The following RSU1 variants were observed in gnomAD, a reference collection of about 807,000 sequenced individuals.
RSU1 encodes the protein rsu-1.
RSU1 carries 26 observed loss-of-function variants against 31.1 expected under a neutral mutation model. That is an observed-to-expected ratio of 0.84 (90% CI 0.61 to 1.16). The LOEUF (loss-of-function observed/expected upper bound fraction) is 1.16. Ranked by LOEUF, RSU1 falls within the 50% of genes most tolerant of loss-of-function variation. The pLI, the probability that RSU1 is intolerant of heterozygous loss-of-function variation, is 0.00. For synonymous variants in RSU1, 164 were observed against 136.3 expected (o/e 1.20, Z -1.41); for missense variants, 320 against 339.1 (o/e 0.94, Z 0.44).
intron 3 of RSU1, among the ~76,000 whole-genome samples, chr10:16,769,621 T>A (rs543894799): frequency 8.5e-5 from 13 of 152,234 alleles, no homozygotes; most frequent in Admixed American, 2.6e-4. Flanking sequence ...AGCCTGAGAC[T>A]CTGAATTTCC....
chr10:16,696,224 G>A (rs1003184182), intron 7 of RSU1, among the ~76,000 whole-genome samples: 1 of 152,138 alleles, frequency 6.6e-6, no homozygotes, highest in African/African-American at 2.4e-5. Flanking sequence ...TTTTTGCTAA[G>A]ACACAACCGA....
At chr10:16,673,336 G>C (rs374106776) in intron 8 of RSU1, among the ~76,000 whole-genome samples, 2 of 152,310 alleles carry the variant, frequency 1.3e-5, no homozygotes, top group African/African-American at 2.4e-5. Flanking sequence ...GCTCCAACAT[G>C]AACAGAGCAG....
At chr10:16,597,005 G>A (rs1287397544) in intron 8 of RSU1, among the ~76,000 whole-genome samples, 1 of 152,202 alleles carries the variant, frequency 6.6e-6, no homozygotes, top group Non-Finnish European at 1.5e-5. Context: ...CGTGAGCCAC[G>A]CACCTGGCCT....
chr10:16,719,918 G>C (rs181699042), intron 7 of RSU1, among the ~76,000 whole-genome samples: 1 of 152,302 alleles, frequency 6.6e-6, no homozygotes, highest in Non-Finnish European at 1.5e-5. Context: ...GAGGAGACTA[G>C]CCCACATGCT....
intron 7 of RSU1, among the ~76,000 whole-genome samples, chr10:16,698,521 C>G (rs1835726087): frequency 6.6e-6 from 1 of 152,140 alleles, no homozygotes; most frequent in Admixed American, 6.5e-5. Flanking sequence ...TCTATGCTCC[C>G]TGACTGCCAC....
chr10:16,687,913 A>C (rs1234902603), intron 8 of RSU1, among the ~76,000 whole-genome samples: 2 of 151,976 alleles, frequency 1.3e-5, no homozygotes, highest in Admixed American at 1.3e-4. Context: ...GTACAGACGA[A>C]GTCTCACTAT....
chr10:16,656,609 G>T (rs1172506952), intron 8 of RSU1, among the ~76,000 whole-genome samples: 2 of 152,144 alleles, frequency 1.3e-5, no homozygotes, highest in African/African-American at 2.4e-5. Context: ...AGTTAGCTTC[G>T]CTATTCCTTT....
At chr10:16,787,687 C>T (rs117783645) in intron 2 of RSU1, among the ~76,000 whole-genome samples, 4,002 of 152,326 alleles carry the variant, frequency 0.026, 60 homozygotes, top group Non-Finnish European at 0.037. Context: ...CCCCTGCACA[C>T]GCTCTCTTAC....
rs533801654 is a variant in RSU1 at position 16,739,858 on chromosome 10, G to A, written c.598+12681C>T. ...ACTCCCGAACTGAGGTGATCCACCCGCCTCAGCCTCTCAAAGTGCTGGGAT... is the reference window on the plus strand; with the variant it reads ...ACTCCCGAACTGAGGTGATCCACCCACCTCAGCCTCTCAAAGTGCTGGGAT... On this transcript the variant is annotated intron_variant, in intron 7 of 8. Coordinates refer to ENST00000345264, the MANE Select transcript of RSU1 (RefSeq NM_012425.4). Among the ~76,000 whole-genome samples, 333 of 152,136 alleles carry A rather than the reference G, an allele frequency of 2.2e-3. 3 individuals carry two copies. Among genetic ancestry groups the A allele is most frequent in the Middle Eastern group, 3.4e-3 (1 of 294 alleles).
intron 3 of RSU1, among the ~76,000 whole-genome samples, chr10:16,775,555 A>G (rs1837510183): frequency 6.6e-6 from 1 of 152,206 alleles, no homozygotes; most frequent in Admixed American, 6.5e-5. Context: ...AGCTGAGGAC[A>G]GATTAGATGC....
intron 8 of RSU1, among the ~76,000 whole-genome samples, chr10:16,689,972 A>C (rs1835511506): frequency 6.6e-6 from 1 of 152,186 alleles, no homozygotes; most frequent in Non-Finnish European, 1.5e-5. Flanking sequence ...CCAGCCTAAC[A>C]TTTGTCAAAC....
chr10:16,643,736 C>A (rs540908623), intron 8 of RSU1, among the ~76,000 whole-genome samples: 1 of 152,174 alleles, frequency 6.6e-6, no homozygotes, highest in Non-Finnish European at 1.5e-5. Context: ...AATGCGCATA[C>A]TAAGAGCACC....
At chr10:16,814,826 G>A (rs1838492555) in intron 2 of RSU1, among the ~76,000 whole-genome samples, 1 of 98,592 alleles carries the variant, frequency 1.0e-5, no homozygotes, top group Non-Finnish European at 1.8e-5. Flanking sequence ...TATATTTCAG[G>A]AAGCAAGTGG....
At chr10:16,681,925 T>C (rs1835333935) in intron 8 of RSU1, among the ~76,000 whole-genome samples, 1 of 152,222 alleles carries the variant, frequency 6.6e-6, no homozygotes, top group Admixed American at 6.5e-5. Context: ...CCCTTCTTTT[T>C]TCCTTAGTGT....
At chr10:16,814,599 C>A (rs1838487816) in intron 2 of RSU1, among the ~76,000 whole-genome samples, 1 of 152,176 alleles carries the variant, frequency 6.6e-6, no homozygotes, top group African/African-American at 2.4e-5. Context: ...CGAAGAGCAT[C>A]CTGGAACCCC....
chr10:16,648,456 C>T (rs1402026131), intron 8 of RSU1, among the ~76,000 whole-genome samples: 1 of 152,080 alleles, frequency 6.6e-6, no homozygotes, highest in African/African-American at 2.4e-5. Context: ...TTCACATTGC[C>T]TACGAAGATA....
chr10:16,683,352 A>G (rs146166504), intron 8 of RSU1, among the ~76,000 whole-genome samples: 2 of 152,218 alleles, frequency 1.3e-5, no homozygotes, highest in East Asian at 3.9e-4. Context: ...GTAACAATAA[A>G]TATTTCATTC....
intron 8 of RSU1, among the ~76,000 whole-genome samples, chr10:16,670,338 C>A (rs994045440): frequency 3.9e-5 from 6 of 152,118 alleles, no homozygotes; most frequent in East Asian, 3.8e-4. Context: ...TGGTAAGATC[C>A]AAGATATGGC....
intron 2 of RSU1, among the ~76,000 whole-genome samples, chr10:16,787,418 G>A (rs1438715908): frequency 6.6e-6 from 1 of 152,028 alleles, no homozygotes; most frequent in Non-Finnish European, 1.5e-5. Context: ...GCCCCGACTT[G>A]CCCAACCCGC....
Sources: allele counts gnomAD v4.1 joint callset (sites outside exome capture counted in the v4.1 genomes callset), GRCh38; gene constraint gnomAD v4.1.1; transcripts MANE v1.5; gene names NCBI Gene and HGNC (gene_info 2026-07-23, HGNC 2026-07-21).